Variants in CPNE4 observed in about 807,000 individuals in gnomAD.
The protein encoded by CPNE4 is copine 4.
A neutral mutation model predicts 67.9 loss-of-function variants in CPNE4; 25 were observed. The ratio of observed to expected loss-of-function variants is 0.37; its 90% CI spans 0.27 to 0.51. CPNE4 has a LOEUF of 0.51. Among genes scored for constraint, CPNE4 ranks in the 20% least tolerant of loss-of-function variants. The pLI is 0.93. For synonymous variants in CPNE4, 242 were observed against 244.9 expected (o/e 0.99, Z 0.11); for missense variants, 464 against 690.8 (o/e 0.67, Z 3.68).
intron 7 of CPNE4, among the ~76,000 whole-genome samples, chr3:131,601,644 G>T (rs1191977148): frequency 6.6e-6 from 1 of 152,134 alleles, no homozygotes; most frequent in African/African-American, 2.4e-5. Context: ...AGGAAAATTT[G>T]CTGGGAGCCT....
At chr3:131,724,492 G>A (rs2081958402) in intron 2 of CPNE4, among the ~76,000 whole-genome samples, 2 of 152,190 alleles carry the variant, frequency 1.3e-5, no homozygotes, top group Admixed American at 6.5e-5. Context: ...ATAGGAGACT[G>A]ATGTCTATGG....
intron 1 of CPNE4, among the ~76,000 whole-genome samples, chr3:132,001,728 C>T (rs1010243056): frequency 6.6e-6 from 1 of 152,078 alleles, no homozygotes; most frequent in Non-Finnish European, 1.5e-5. Context: ...AAAGATGGCC[C>T]TTCAGCCTTT....
chr3:131,737,093 C>T (rs1434344989), intron 2 of CPNE4, among the ~76,000 whole-genome samples: 1 of 139,950 alleles, frequency 7.1e-6, no homozygotes, highest in African/African-American at 2.6e-5. Context: ...CATTCAGTGC[C>T]TCTTTTTATG....
At chr3:131,901,930 C>A (rs1355512590) in intron 2 of CPNE4, among the ~76,000 whole-genome samples, 1 of 152,100 alleles carries the variant, frequency 6.6e-6, no homozygotes, top group Non-Finnish European at 1.5e-5. Context: ...CTGACTCCAA[C>A]ACATGACTGC....
chr3:131,746,416 A>G (rs1292439335), intron 2 of CPNE4, among the ~76,000 whole-genome samples: 1 of 152,010 alleles, frequency 6.6e-6, no homozygotes, highest in African/African-American at 2.4e-5. Flanking sequence ...ATCTCTCTCC[A>G]AGGCCTTCTC....
chr3:131,841,427 G>T lies in CPNE4; in HGVS notation c.180+63837C>A, dbSNP rs546974957. 1.8e-4 allele frequency among the ~76,000 whole-genome samples: 28 copies of T among 152,314 alleles called. No homozygotes were observed. In the South Asian group the frequency reaches 5.4e-3, roughly 29 times the overall value. On this transcript the variant is annotated intron_variant, in intron 2 of 15. Transcript: ENST00000429747. Reference sequence around the variant, plus strand: ...TCTGTGGCCTGTTAGGAACCAGGCTGCAGAGCAGGAGGTGAGCAGAGGGCA... The same window carrying T: ...TCTGTGGCCTGTTAGGAACCAGGCTTCAGAGCAGGAGGTGAGCAGAGGGCA...
chr3:131,763,608 T>A (rs1465330772), intron 2 of CPNE4, among the ~76,000 whole-genome samples: 1 of 152,104 alleles, frequency 6.6e-6, no homozygotes, highest in Non-Finnish European at 1.5e-5. Flanking sequence ...GGCTCTCTAA[T>A]CAGATCAGGT....
intron 11 of CPNE4, among the ~76,000 whole-genome samples, chr3:131,560,852 G>A (rs1037684472): frequency 2.0e-5 from 3 of 152,016 alleles, no homozygotes; most frequent in African/African-American, 7.2e-5. Context: ...AGATTCTGGG[G>A]TGGGGTGCAG....
chr3:131,786,918 T>C (rs979070504), intron 2 of CPNE4, among the ~76,000 whole-genome samples: 2 of 152,176 alleles, frequency 1.3e-5, no homozygotes, highest in Non-Finnish European at 1.5e-5. Context: ...ATGCTATCCT[T>C]CTACAATCAC....
rs368460387 is a variant in CPNE4 at position 131,595,364 on chromosome 3, A to T, written c.682-7782T>A. ...GATAAAGAAAATGTGGTGCATATAC[A>T]TACAATGAAATATTATTCAGCCTTA... On this transcript the variant is annotated intron_variant, in intron 7 of 15. Transcript: ENST00000429747. Among the ~76,000 whole-genome samples, 12 of 152,354 alleles carry T rather than the reference A, an allele frequency of 7.9e-5. No individual in the cohort carries two copies. The South Asian group carries it at 2.5e-3, about 32-fold the overall frequency.
At chr3:131,667,123 T>C (rs1312575622) in intron 7 of CPNE4, among the ~76,000 whole-genome samples, 2 of 152,174 alleles carry the variant, frequency 1.3e-5, no homozygotes, top group East Asian at 1.9e-4. Context: ...GTGACTTTCA[T>C]TGGCACTTTT....
intron 9 of CPNE4, among the ~76,000 whole-genome samples, chr3:131,577,575 C>A (rs1367557926): frequency 1.3e-5 from 2 of 151,916 alleles, no homozygotes; most frequent in Non-Finnish European, 2.9e-5. Context: ...CATAAAAAGG[C>A]ACAGTAAAAA....
At chr3:131,720,877 T>C (rs2081866101) in intron 3 of CPNE4, among the ~76,000 whole-genome samples, 1 of 152,188 alleles carries the variant, frequency 6.6e-6, no homozygotes, top group Admixed American at 6.5e-5. Context: ...CTCTGCACCA[T>C]ATGCCAAACT....
At chr3:131,904,078 T>C (rs1164045262) in intron 2 of CPNE4, among the ~76,000 whole-genome samples, 1 of 152,086 alleles carries the variant, frequency 6.6e-6, no homozygotes, top group Non-Finnish European at 1.5e-5. Context: ...CTCACAGAAA[T>C]GTCATTCCAT....
At chr3:131,937,606 A>G (rs2071261688) in intron 1 of CPNE4, among the ~76,000 whole-genome samples, 1 of 152,136 alleles carries the variant, frequency 6.6e-6, no homozygotes, top group Admixed American at 6.6e-5. Flanking sequence ...ACCAAAATAA[A>G]CTGTCAGTAT....
At chr3:131,879,148 C>T (rs1390980913) in intron 2 of CPNE4, among the ~76,000 whole-genome samples, 1 of 136,358 alleles carries the variant, frequency 7.3e-6, no homozygotes, top group Non-Finnish European at 1.6e-5. Context: ...AAGAGACATA[C>T]TCAGAGTGTT....
intron 2 of CPNE4, among the ~76,000 whole-genome samples, chr3:131,832,082 G>T (rs565614284): frequency 2.6e-5 from 4 of 152,098 alleles, no homozygotes; most frequent in Non-Finnish European, 5.9e-5. Context: ...GGGGTTCAAA[G>T]TTCTATCTAA....
At chr3:131,619,331 C>T (rs144108106) in intron 7 of CPNE4, among the ~76,000 whole-genome samples, 3 of 152,228 alleles carry the variant, frequency 2.0e-5, no homozygotes, top group African/African-American at 7.2e-5. Context: ...TAGGGAAGGT[C>T]CTGGCACAGG....
intron 6 of CPNE4, among the ~76,000 whole-genome samples, chr3:131,678,017 T>G (rs2080631532): frequency 1.3e-5 from 2 of 152,210 alleles, no homozygotes; most frequent in South Asian, 2.1e-4. Context: ...ATAAATTGCT[T>G]TGGGAATATG....
Sources: allele counts gnomAD v4.1 joint callset (sites outside exome capture counted in the v4.1 genomes callset), GRCh38; gene constraint gnomAD v4.1.1; transcripts MANE v1.5; gene names NCBI Gene and HGNC (gene_info 2026-07-23, HGNC 2026-07-21).